GDPD4: variants seen among roughly 807,000 people sequenced by gnomAD.
GDPD4 encodes the protein glycerophosphodiester phosphodiesterase domain containing 4, also known as glycerophosphodiester phosphodiesterase 6.
In GDPD4, 60 loss-of-function variants were observed where a neutral mutation model predicts 67.8. That is an observed-to-expected ratio of 0.88 (90% CI 0.72 to 1.10). The LOEUF is 1.10. Among genes scored for constraint, GDPD4 ranks in the 50% least tolerant of loss-of-function variants. The probability of loss-of-function intolerance (pLI) is 0.00; values close to 1 mark genes in which losing one functional copy is unlikely to be tolerated. For synonymous variants in GDPD4, 212 were observed against 210.9 expected, an observed-to-expected ratio of 1.00 and a Z score of -0.04; for missense variants, 623 against 613.9, an observed-to-expected ratio of 1.01 and a Z score of -0.16.
intron 3 of GDPD4, among the ~76,000 whole-genome samples, chr11:77,281,817 C>T (rs1959765642): frequency 6.6e-6 from 1 of 151,966 alleles, no homozygotes; most frequent in African/African-American, 2.4e-5. Flanking sequence ...TGTGAACAGA[C>T]GTTATTAGTC....
chr11:77,218,545 CCACCCCA>C (rs934236099), intron 16 of GDPD4, among the ~76,000 whole-genome samples: 26 of 152,220 alleles, frequency 1.7e-4, no homozygotes, highest in African/African-American at 6.3e-4. Context: ...CCCCATACCC[CCACCCCA>C]CGACAGGCTG....
chr11:77,238,945 C>T lies in GDPD4; in HGVS notation c.1241+4749G>A, dbSNP rs116133989. On this transcript the variant is annotated intron_variant, in intron 13 of 16. Transcript: ENST00000315938. ...ATGAAATCCTGAGACATAAAAATCCCAACACAATACTAACAAACTGAATTC... is the reference window on the plus strand; with the variant it reads ...ATGAAATCCTGAGACATAAAAATCCTAACACAATACTAACAAACTGAATTC... Among the ~76,000 whole-genome samples the T allele has an allele frequency of 4.5e-3, 683 of 152,152 alleles. 9 individuals carry two copies. The highest frequency in any genetic ancestry group is 0.015 in the African/African-American group (638 of 41,510).
chr11:77,256,855 T>G (rs1374720949), intron 11 of GDPD4, among the ~76,000 whole-genome samples: 14 of 152,240 alleles, frequency 9.2e-5, no homozygotes, highest in Admixed American at 8.5e-4. Flanking sequence ...GCTGGTATCA[T>G]GCTTGTAGAG....
At chr11:77,247,010 C>T (rs1591544073) in intron 11 of GDPD4, among the ~76,000 whole-genome samples, 1 of 152,200 alleles carries the variant, frequency 6.6e-6, no homozygotes, top group Admixed American at 6.5e-5. Context: ...TTTTTCTCTA[C>T]ACAACTTTAT....
chr11:77,279,393 AGTGACCCT>A lies in GDPD4; in HGVS notation c.54-2_59del. The A allele has an allele frequency of 6.2e-7, 1 of 1,603,636 alleles. No individual in the cohort carries two copies. The highest frequency in any genetic ancestry group is 8.5e-7 in the Non-Finnish European group (1 of 1,170,748). On this transcript the variant is annotated splice_acceptor_variant and coding_sequence_variant, in exon 4 of 17. Transcript: ENST00000315938. LOFTEE classifies it high-confidence loss of function. ...AAAACCAGTATCCTGTTCCTAGAAA[AGTGACCCT>A]GAAAAAAAATGTGTTTCAGTTCTTA...
At chr11:77,228,797 T>A (rs1958397034) in intron 15 of GDPD4, among the ~76,000 whole-genome samples, 1 of 152,200 alleles carries the variant, frequency 6.6e-6, no homozygotes, top group Admixed American at 6.5e-5. Context: ...CTTCCTGGTT[T>A]ATGAACTTGC....
intron 14 of GDPD4, among the ~76,000 whole-genome samples, chr11:77,232,450 G>A (rs1958472141): frequency 6.6e-6 from 1 of 152,216 alleles, no homozygotes. Context: ...GGATTTGGCT[G>A]GGATCGTAAA....
intron 16 of GDPD4, among the ~76,000 whole-genome samples, chr11:77,220,107 GC>G (rs1246997968): frequency 6.6e-6 from 1 of 152,176 alleles, no homozygotes; most frequent in Non-Finnish European, 1.5e-5. Context: ...GAGACTTTGG[GC>G]TGAGACGATG....
intron 12 of GDPD4, 144 bp from the exon 13 acceptor site, chr11:77,243,992 A>T (rs1005892549): frequency 6.6e-6 from 4 of 608,756 alleles, no homozygotes; most frequent in Non-Finnish European, 1.2e-5. Flanking sequence ...TTGGTGAAAG[A>T]GTCAACATGG....
chr11:77,269,005 C>T lies in GDPD4; in HGVS notation c.543G>A (p.Leu181=). ...LILLGLYLMP[L]GIYSPCIQEK... Reference sequence around the variant, plus strand: ...CCTGAATGCAGGGAGAATAAATCCCCAGTGGCATCAAATAGAGACCTAAAA... The same window carrying T: ...CCTGAATGCAGGGAGAATAAATCCCTAGTGGCATCAAATAGAGACCTAAAA... The change falls in exon 9 of 17, where the codon CTG becomes CTA. Residue 181 remains leucine (L), a synonymous_variant. Coordinates refer to ENST00000315938, the MANE Select transcript of GDPD4 (RefSeq NM_182833.3). 1 of 1,613,964 alleles carries T rather than the reference C, an allele frequency of 6.2e-7. No individual in the cohort carries two copies. The highest frequency in any genetic ancestry group is 1.1e-5 in the South Asian group (1 of 91,056).
At chr11:77,248,743 T>G (rs1317844796) in intron 11 of GDPD4, among the ~76,000 whole-genome samples, 1 of 151,532 alleles carries the variant, frequency 6.6e-6, no homozygotes, top group African/African-American at 2.4e-5. Flanking sequence ...TTTATTTTTC[T>G]TGAGTTTTGT....
intron 13 of GDPD4, 70 bp downstream of exon 13, chr11:77,243,624 G>A: frequency 2.3e-6 from 3 of 1,305,964 alleles, no homozygotes; most frequent in Non-Finnish European, 3.3e-6. Flanking sequence ...AAGTTAAGAA[G>A]TTTAATTAGA....
At chr11:77,294,908 G>T (rs182979010) in intron 1 of GDPD4, among the ~76,000 whole-genome samples, 18 of 150,066 alleles carry the variant, frequency 1.2e-4, no homozygotes, top group Admixed American at 4.6e-4. Flanking sequence ...TTGACAAATG[G>T]TTCTGGAACA....
chr11:77,219,321 A>G (rs185772361), intron 16 of GDPD4, among the ~76,000 whole-genome samples: 156 of 152,276 alleles, frequency 1.0e-3, no homozygotes, highest in South Asian at 2.9e-3. Flanking sequence ...ATTTTCTCCC[A>G]TTCTGTAGGT....
chr11:77,228,499 CAAAAAAAA>C (rs58364800), intron 15 of GDPD4, among the ~76,000 whole-genome samples: 80 of 26,642 alleles, frequency 3.0e-3, no homozygotes, highest in Admixed American at 0.024. Context: ...GACTCCGTCT[CAAAAAAAA>C]AAAAAAAAAA....
intron 1 of GDPD4, among the ~76,000 whole-genome samples, chr11:77,298,105 T>TAA (rs59408301): frequency 6.7e-6 from 1 of 150,348 alleles, no homozygotes; most frequent in Non-Finnish European, 1.5e-5. Context: ...TTCGTTTTTT[T>TAA]AAAAAAAAAA....
At chr11:77,284,585 T>C (rs1411201007) in intron 3 of GDPD4, among the ~76,000 whole-genome samples, 1 of 152,144 alleles carries the variant, frequency 6.6e-6, no homozygotes, top group Non-Finnish European at 1.5e-5. Context: ...GCTGGGAACA[T>C]TCCAGAGTAG....
intron 2 of GDPD4, 33 bp from the exon 3 acceptor site, chr11:77,285,220 C>A: frequency 9.0e-7 from 1 of 1,105,118 alleles, no homozygotes; most frequent in Non-Finnish European, 1.4e-6. Context: ...TAACTTAGCT[C>A]CATTTATCCT....
At position 77,216,771 on chromosome 11, in the gene GDPD4, C is replaced by G; in HGVS notation, c.*506G>C. The G allele has an allele frequency of 1.7e-6, 1 of 601,332 alleles. No homozygotes were observed. Among genetic ancestry groups the G allele is most frequent in the South Asian group, 2.0e-5 (1 of 49,128 alleles). 37.2% of individuals were successfully genotyped at this position (601,332 alleles called of 1,614,324 possible). A position where few individuals can be genotyped will look rare whatever the true frequency, so the allele number is the denominator to read the frequency against. On this transcript the variant is annotated 3_prime_UTR_variant, in exon 17 of 17. Coordinates refer to ENST00000315938, the MANE Select transcript of GDPD4 (RefSeq NM_182833.3). ...TGGCCCTTCTGTGTGCCTTTATCAA[C>G]CACTCCCCACCATCACCACCCTTAG... is the stretch of plus-strand genomic sequence containing the variant.
Sources: allele counts gnomAD v4.1 joint callset (sites outside exome capture counted in the v4.1 genomes callset), GRCh38; gene constraint gnomAD v4.1.1; transcripts MANE v1.5; gene names NCBI Gene and HGNC (gene_info 2026-07-23, HGNC 2026-07-21).